Variants in TACR3 observed in about 807,000 individuals in gnomAD.
The protein encoded by TACR3 is tachykinin receptor 3, also known as neuromedin-K receptor.
In TACR3, 34 loss-of-function variants were observed where a neutral mutation model predicts 35.0. The observed-to-expected ratio is 0.97, with a 90% confidence interval of 0.74 to 1.30. TACR3 has a LOEUF of 1.30. TACR3 is among the 50% of genes most tolerant of loss of function. TACR3 has a pLI of 0.00. For missense variants in TACR3, 558 were observed against 591.7 expected (o/e 0.94, Z 0.59); for synonymous variants, 233 against 221.1 (o/e 1.05, Z -0.48).
chr4:103,596,613 T>C (rs1252880305), intron 3 of TACR3, among the ~76,000 whole-genome samples: 1 of 152,136 alleles, frequency 6.6e-6, no homozygotes. Context: ...AAAATTTTAT[T>C]ATTATTATAC....
chr4:103,718,115 A>ATT (rs60150017), intron 1 of TACR3, among the ~76,000 whole-genome samples: 5,811 of 152,168 alleles, frequency 0.038, 359 homozygotes, highest in African/African-American at 0.13. Context: ...GTTTTTTCTT[A>ATT]TTTTTTTATT....
At chr4:103,717,527 C>CT (rs925264052) in intron 1 of TACR3, among the ~76,000 whole-genome samples, 10 of 152,122 alleles carry the variant, frequency 6.6e-5, no homozygotes, top group African/African-American at 1.7e-4. Context: ...AAAATACAAC[C>CT]TTTTTTTCCC....
chr4:103,688,750 C>G (rs1245267895), intron 1 of TACR3, among the ~76,000 whole-genome samples: 3 of 151,132 alleles, frequency 2.0e-5, no homozygotes, highest in Non-Finnish European at 4.4e-5. Context: ...CAGGAAACAA[C>G]AGGTGCTGGA....
At chr4:103,627,352 T>TAAA (rs869215834) in intron 3 of TACR3, among the ~76,000 whole-genome samples, 18 of 82,472 alleles carry the variant, frequency 2.2e-4, no homozygotes, top group African/African-American at 7.2e-4. Flanking sequence ...GTGTTTCCAT[T>TAAA]AAAAAAAAAA....
intron 1 of TACR3, among the ~76,000 whole-genome samples, chr4:103,689,986 G>T (rs890596825): frequency 2.0e-5 from 3 of 152,054 alleles, no homozygotes; most frequent in African/African-American, 7.2e-5. Context: ...TTGCACACAA[G>T]AGAGCCATAA....
chr4:103,626,798 A>G (rs1724901024), intron 3 of TACR3, among the ~76,000 whole-genome samples: 1 of 150,482 alleles, frequency 6.6e-6, no homozygotes, highest in African/African-American at 2.5e-5. Context: ...ATTTCTTTTT[A>G]CTGATTAGAA....
rs1485448135 is a variant in TACR3, at chr4:103,587,532, T to C, written c.*2150A>G. The C allele has an allele frequency of 1.3e-5, 2 of 152,096 alleles. No homozygotes were observed. The highest frequency in any genetic ancestry group is 2.4e-5 in the African/African-American group (1 of 41,444). 9.4% of individuals were successfully genotyped at this position (152,096 alleles called of 1,614,324 possible). A position where few individuals can be genotyped will look rare whatever the true frequency, so the allele number is the denominator to read the frequency against. ...AAATGTCTTAGAAAATTCTACTGAA[T>C]TTCTCTAATATGTGAGGGCCAGGAG... On this transcript the variant is annotated 3_prime_UTR_variant, in exon 5 of 5. Transcript: ENST00000304883.
At position 103,591,647 on chromosome 4, in the gene TACR3, C is replaced by G. The variant is rs1322632631; in HGVS notation, c.925G>C (p.Ala309Pro). Residue 309 changes from alanine (A) to proline (P), a missense_variant, in exon 4 of 5, where the codon GCT (alanine) becomes CCT (proline). Physicochemically the swap from Ala to Pro is conservative, Grantham distance 27. Coordinates refer to ENST00000304883, the MANE Select transcript of TACR3 (RefSeq NM_001059.3). ...KMMIIVVMTF[A>P]ICWLPYHIYF... ...ATATGATAGGGCAGCCAGCAGATAG[C>G]AAATGTCATGACAACAATAATCATC... 6.2e-7 allele frequency: 1 copy of G among 1,613,250 alleles called. No homozygotes were observed. Among genetic ancestry groups the G allele is most frequent in the African/African-American group, 1.3e-5 (1 of 74,846 alleles).
intron 1 of TACR3, among the ~76,000 whole-genome samples, chr4:103,697,716 G>A (rs76667154): frequency 0.15 from 23,172 of 152,040 alleles, 2,303 homozygotes; most frequent in East Asian, 0.43. Flanking sequence ...GAGCCACTGC[G>A]CCCAGCCGGC....
At chr4:103,687,432 A>T (rs556204719) in intron 1 of TACR3, among the ~76,000 whole-genome samples, 1 of 152,168 alleles carries the variant, frequency 6.6e-6, no homozygotes. Context: ...AAGGGTATTC[A>T]GTTAGGAAAA....
At chr4:103,610,367 T>C (rs1344274589) in intron 3 of TACR3, among the ~76,000 whole-genome samples, 3 of 152,150 alleles carry the variant, frequency 2.0e-5, no homozygotes, top group Non-Finnish European at 2.9e-5. Context: ...GTTTCTCTAA[T>C]AATTAGTGAT....
intron 1 of TACR3, among the ~76,000 whole-genome samples, chr4:103,676,498 C>A (rs567187980): frequency 6.6e-6 from 1 of 152,012 alleles, no homozygotes; most frequent in Non-Finnish European, 1.5e-5. Context: ...AAGATGCAGA[C>A]AAAGACAAAC....
intron 1 of TACR3, among the ~76,000 whole-genome samples, chr4:103,713,635 AG>A (rs1237413624): frequency 3.3e-5 from 5 of 152,004 alleles, no homozygotes; most frequent in Non-Finnish European, 7.4e-5. Flanking sequence ...AATAATAATA[AG>A]GAAAAAAAAG....
intron 3 of TACR3, among the ~76,000 whole-genome samples, chr4:103,615,498 A>G (rs1724634053): frequency 6.6e-6 from 1 of 151,954 alleles, no homozygotes; most frequent in South Asian, 2.1e-4. Context: ...AAAAATAGCA[A>G]GCCTAATTGT....
intron 3 of TACR3, among the ~76,000 whole-genome samples, chr4:103,629,845 C>CAAAAAAAAAAAAAAAAAAA (rs1487546451): frequency 1.7e-5 from 1 of 59,548 alleles, no homozygotes; most frequent in Non-Finnish European, 3.2e-5. Flanking sequence ...CAATCCTAAG[C>CAAAAAAAAAAAAAAAAAAA]AAAACAAAAA....
intron 3 of TACR3, among the ~76,000 whole-genome samples, chr4:103,629,878 A>AAC (rs1725017775): frequency 7.1e-6 from 1 of 141,708 alleles, no homozygotes; most frequent in African/African-American, 2.7e-5. Context: ...AAAACAAAAA[A>AAC]AACAACAACA....
intron 3 of TACR3, among the ~76,000 whole-genome samples, chr4:103,652,175 G>T (rs1324444111): frequency 6.6e-6 from 1 of 152,094 alleles, no homozygotes; most frequent in Non-Finnish European, 1.5e-5. Context: ...AGGAGTTGCG[G>T]TCTTTGTGGC....
chr4:103,652,655 C>T (rs952949996), intron 3 of TACR3, among the ~76,000 whole-genome samples: 1 of 152,090 alleles, frequency 6.6e-6, no homozygotes, highest in African/African-American at 2.4e-5. Flanking sequence ...GACCATCCTG[C>T]TCCACCCCGT....
chr4:103,589,593 A>G lies in TACR3; in HGVS notation c.*89T>C. 2.0e-6 allele frequency: 3 copies of G among 1,480,866 alleles called. No homozygotes were observed. In the South Asian group the frequency reaches 3.4e-5, roughly 17 times the overall value. 91.7% of individuals were successfully genotyped at this position (1,480,866 alleles called of 1,614,324 possible). A position where few individuals can be genotyped will look rare whatever the true frequency, so the allele number is the denominator to read the frequency against. ...AAATTGCTTTCTGTTTCTAGAGGGT[A>G]TATAGGACAGGACTGGTAAATAGGA... On this transcript the variant is annotated 3_prime_UTR_variant, in exon 5 of 5. Coordinates refer to ENST00000304883, the MANE Select transcript of TACR3 (RefSeq NM_001059.3).
Sources: allele counts gnomAD v4.1 joint callset (sites outside exome capture counted in the v4.1 genomes callset), GRCh38; gene constraint gnomAD v4.1.1; transcripts MANE v1.5; gene names NCBI Gene and HGNC (gene_info 2026-07-23, HGNC 2026-07-21).